Variants in GLG1 observed in about 807,000 individuals in gnomAD.
GLG1 encodes the protein golgi glycoprotein 1.
A neutral mutation model predicts 160.5 loss-of-function variants in GLG1; 38 were observed. The ratio of observed to expected loss-of-function variants is 0.24; its 90% confidence interval spans 0.18 to 0.31. The LOEUF (loss-of-function observed/expected upper bound fraction) is 0.31. Among genes scored for constraint, GLG1 ranks in the 10% least tolerant of loss-of-function variants. GLG1 has a pLI of 1.00. For missense variants in GLG1, 1,373 were observed against 1,505.2 expected (o/e 0.91, Z 1.45); for synonymous variants, 644 against 543.4 (o/e 1.19, Z -2.57).
chr16:74,552,429 A>C (rs1409367963), intron 1 of GLG1: 1 of 548,610 alleles, frequency 1.8e-6, no homozygotes, highest in Non-Finnish European at 3.6e-6. Flanking sequence ...GGCTACATGA[A>C]GGAACGGTTT....
chr16:74,455,772 G>C (rs774346908), intron 25 of GLG1, among the ~76,000 whole-genome samples: 6 of 152,174 alleles, frequency 3.9e-5, no homozygotes, highest in Non-Finnish European at 8.8e-5. Context: ...AAAAACCAGA[G>C]GGACTCTGGG....
At chr16:74,457,058 G>A (rs1028425130) in intron 24 of GLG1, among the ~76,000 whole-genome samples, 6 of 152,132 alleles carry the variant, frequency 3.9e-5, no homozygotes, top group African/African-American at 4.8e-5. Flanking sequence ...TTGAGCCCAC[G>A]ACTTTGAGAC....
chr16:74,454,285 A>G (rs533369213), intron 25 of GLG1, among the ~76,000 whole-genome samples: 1 of 151,798 alleles, frequency 6.6e-6, no homozygotes, highest in East Asian at 1.9e-4. Flanking sequence ...AGCTCACTAC[A>G]ACCTCAAACT....
At chr16:74,495,219 T>C (rs2016142913) in intron 5 of GLG1, among the ~76,000 whole-genome samples, 1 of 151,108 alleles carries the variant, frequency 6.6e-6, no homozygotes, top group South Asian at 2.1e-4. Context: ...GTTCAAGCAA[T>C]TCTCCTGCCT....
At chr16:74,481,774 T>C (rs2015606411) in intron 10 of GLG1, among the ~76,000 whole-genome samples, 1 of 152,144 alleles carries the variant, frequency 6.6e-6, no homozygotes. Context: ...CTACAGCTCC[T>C]GGGCTCAAGT....
At chr16:74,585,881 G>A (rs889994101) in intron 1 of GLG1, among the ~76,000 whole-genome samples, 1 of 152,014 alleles carries the variant, frequency 6.6e-6, no homozygotes, top group Admixed American at 6.6e-5. Flanking sequence ...TGGCCATTAT[G>A]ATAAAACCCT....
chr16:74,485,700 G>A (rs1217905281), intron 9 of GLG1, 96 bp downstream of exon 9: 5 of 1,116,818 alleles, frequency 4.5e-6, no homozygotes, highest in Non-Finnish European at 6.4e-6. Context: ...TTTCAGTTAA[G>A]ATGTCAACAA....
intron 1 of GLG1, among the ~76,000 whole-genome samples, chr16:74,583,787 C>T (rs1389181376): frequency 2.6e-5 from 4 of 152,138 alleles, no homozygotes; most frequent in Non-Finnish European, 5.9e-5. Flanking sequence ...GTCCAAGCAT[C>T]TCTCTTTCAA....
In GLG1 at chr16:74,551,050, T is replaced by C. The variant is rs531704344; in HGVS notation, c.439-18897A>G. Among the ~76,000 whole-genome samples, 147 of 152,326 alleles carry C rather than the reference T, an allele frequency of 9.7e-4. 1 individual carries two copies. The highest frequency in any genetic ancestry group is 5.9e-5 in the Non-Finnish European group (4 of 68,034). On this transcript the variant is annotated intron_variant, in intron 1 of 25. Transcript: ENST00000422840. ...TATTTAACCCTTACAAACTCAGCCC[T>C]AGATTTGAGCAACTAGGTTCAAGAA...
intron 2 of GLG1, among the ~76,000 whole-genome samples, chr16:74,514,214 C>A (rs1023824903): frequency 3.3e-5 from 5 of 152,300 alleles, no homozygotes; most frequent in South Asian, 2.1e-4. Context: ...AGAAAACAAT[C>A]TTCAGGATAT....
chr16:74,452,896 G>A lies in GLG1; in HGVS notation c.*271C>T, dbSNP rs2014380955. On this transcript the variant is annotated 3_prime_UTR_variant, in exon 26 of 26. Coordinates refer to ENST00000422840, the MANE Select transcript of GLG1 (RefSeq NM_001145667.2). ...GAAGTACCGGAAGTTCTGTTGGTAT[G>A]AGAGAGACTTGTCTACAGGCAGGTA... 8.7e-7 allele frequency: 1 copy of A among 1,146,638 alleles called. No homozygotes were observed. Among genetic ancestry groups the A allele is most frequent in the African/African-American group, 1.6e-5 (1 of 62,754 alleles). The allele number at this position is 1,146,638 out of a possible 1,614,324, so 71.0% of individuals were successfully genotyped here.
At chr16:74,597,124 A>G (rs575517599) in intron 1 of GLG1, among the ~76,000 whole-genome samples, 1 of 151,854 alleles carries the variant, frequency 6.6e-6, no homozygotes, top group African/African-American at 2.4e-5. Context: ...GTCTCAAACA[A>G]ACAAAAAAAA....
chr16:74,602,708 G>C (rs1196066777), intron 1 of GLG1, among the ~76,000 whole-genome samples: 1 of 151,942 alleles, frequency 6.6e-6, no homozygotes, highest in Admixed American at 6.6e-5. Flanking sequence ...GCTTGAACTC[G>C]GGAGGCTGAG....
Position 74,460,001 on chromosome 16 carries a change from G to A in GLG1, c.3037-212C>T, listed in dbSNP as rs534763530. Among the ~76,000 whole-genome samples, 14 of 148,836 alleles carry A rather than the reference G, an allele frequency of 9.4e-5. No individual in the cohort carries two copies. In the East Asian group the frequency reaches 9.9e-4, roughly 11 times the overall value. ...CTCTTGAGTAGCTGGGACTACAGGC[G>A]CGTGCTACCATGCCTGGCTGATTTT... On this transcript the variant is annotated intron_variant, in intron 22 of 25. Coordinates refer to ENST00000422840, the MANE Select transcript of GLG1 (RefSeq NM_001145667.2).
chr16:74,486,130 T>C (rs1222710627), intron 8 of GLG1, among the ~76,000 whole-genome samples: 5 of 152,212 alleles, frequency 3.3e-5, no homozygotes, highest in Non-Finnish European at 7.3e-5. Context: ...GTTTGAGTCA[T>C]TGATGGGGAC....
chr16:74,472,454 G>T, intron 13 of GLG1, 43 bp from the exon 14 acceptor site: 1 of 1,472,098 alleles, frequency 6.8e-7, no homozygotes, highest in Non-Finnish European at 9.5e-7. Flanking sequence ...TTTAGAAAGA[G>T]CCAGGGTGGA....
intron 2 of GLG1, among the ~76,000 whole-genome samples, chr16:74,510,006 C>T (rs556421011): frequency 2.0e-5 from 3 of 150,192 alleles, no homozygotes; most frequent in South Asian, 2.1e-4. Flanking sequence ...CCTTAAAACA[C>T]TTGACACATA....
At chr16:74,502,577 T>C (rs1014831105) in intron 4 of GLG1, among the ~76,000 whole-genome samples, 1 of 151,864 alleles carries the variant, frequency 6.6e-6, no homozygotes, top group East Asian at 1.9e-4. Context: ...GGAGTCTCAC[T>C]CTGTCTCCCA....
At chr16:74,599,102 G>C (rs1210669460) in intron 1 of GLG1, among the ~76,000 whole-genome samples, 1 of 152,040 alleles carries the variant, frequency 6.6e-6, no homozygotes, top group African/African-American at 2.4e-5. Context: ...CTCATCAAGA[G>C]ATTTCTTAAA....
Sources: allele counts gnomAD v4.1 joint callset (sites outside exome capture counted in the v4.1 genomes callset), GRCh38; gene constraint gnomAD v4.1.1; transcripts MANE v1.5; gene names NCBI Gene and HGNC (gene_info 2026-07-23, HGNC 2026-07-21).